Variants in RIMS2 observed in about 807,000 individuals in gnomAD.
The protein encoded by RIMS2 is regulating synaptic membrane exocytosis protein 2.
Under a neutral mutation model 174.4 loss-of-function variants are expected in RIMS2, and 59 were observed. The observed-to-expected ratio is 0.34, with a 90% CI of 0.27 to 0.42. RIMS2 has a LOEUF of 0.42. Among genes scored for constraint, RIMS2 ranks in the 10% least tolerant of loss-of-function variants. The pLI is 1.00. For synonymous variants in RIMS2, 606 were observed against 572.5 expected (o/e 1.06, Z -0.84); for missense variants, 1,620 against 1,666.3 (o/e 0.97, Z 0.48).
chr8:104,078,610 T>G (rs978610594), intron 19 of RIMS2, among the ~76,000 whole-genome samples: 1 of 152,200 alleles, frequency 6.6e-6, no homozygotes, highest in African/African-American at 2.4e-5. Context: ...GACTAGGACT[T>G]CAGTATAGGA....
chr8:103,738,207 G>A (rs971716934), intron 2 of RIMS2, among the ~76,000 whole-genome samples: 6 of 151,988 alleles, frequency 3.9e-5, no homozygotes, highest in Admixed American at 3.9e-4. Context: ...TAAGAAAAAG[G>A]ACATAAAATG....
chr8:103,902,673 C>T (rs2073421417), intron 4 of RIMS2, among the ~76,000 whole-genome samples: 4 of 152,122 alleles, frequency 2.6e-5, no homozygotes, highest in Admixed American at 2.6e-4. Context: ...GAGGAAATGA[C>T]CCTCCAGGAA....
chr8:104,204,473 C>T (rs2099070329), intron 19 of RIMS2, among the ~76,000 whole-genome samples: 1 of 152,042 alleles, frequency 6.6e-6, no homozygotes, highest in South Asian at 2.1e-4. Flanking sequence ...CTTCCTCTGC[C>T]TTACAGGGGT....
chr8:104,051,445 C>T (rs1311304570), intron 19 of RIMS2, among the ~76,000 whole-genome samples: 1 of 151,800 alleles, frequency 6.6e-6, no homozygotes, highest in East Asian at 1.9e-4. Context: ...GGTTGATAGG[C>T]TTGTTTAGAG....
At chr8:103,548,140 G>T (rs1845965029) in intron 1 of RIMS2, among the ~76,000 whole-genome samples, 1 of 152,090 alleles carries the variant, frequency 6.6e-6, no homozygotes, top group Non-Finnish European at 1.5e-5. Flanking sequence ...GAGGAGAAGG[G>T]ACTCCTCCTT....
At chr8:103,924,185 A>T (rs1008384137) in intron 10 of RIMS2, among the ~76,000 whole-genome samples, 2 of 151,698 alleles carry the variant, frequency 1.3e-5, no homozygotes, top group African/African-American at 4.8e-5. Flanking sequence ...GGAAAATTTT[A>T]GGATTCTTGA....
intron 19 of RIMS2, among the ~76,000 whole-genome samples, chr8:104,078,939 C>T (rs1297252706): frequency 1.3e-5 from 2 of 151,838 alleles, no homozygotes; most frequent in Admixed American, 6.6e-5. Flanking sequence ...ACTCGCGTAG[C>T]CATAATTTTA....
chr8:104,056,113 T>A lies in RIMS2; in HGVS notation c.3334+41498T>A, dbSNP rs1239282407. On this transcript the variant is annotated intron_variant, in intron 19 of 23. Coordinates refer to ENST00000504942, the Ensembl canonical transcript of RIMS2. The stretch of plus-strand genomic sequence containing the variant: ...ACTTAAACATCATTTGACTTCAAAG[T>A]CAACTAACCGGCCAGGCGTGGTGGC... Among the ~76,000 whole-genome samples, 6 of 152,090 alleles carry A rather than the reference T, an allele frequency of 3.9e-5. No individual in the cohort carries two copies. In the East Asian group the frequency reaches 1.2e-3, roughly 29 times the overall value.
chr8:103,983,978 C>T (rs1244667144), intron 16 of RIMS2, among the ~76,000 whole-genome samples: 1 of 151,990 alleles, frequency 6.6e-6, no homozygotes, highest in Non-Finnish European at 1.5e-5. Flanking sequence ...TCGAGACCAT[C>T]CTGGCTAACA....
intron 15 of RIMS2, among the ~76,000 whole-genome samples, chr8:103,964,083 A>G (rs760336971): frequency 6.6e-6 from 1 of 152,200 alleles, no homozygotes; most frequent in Admixed American, 6.5e-5. Flanking sequence ...GCTGAAGGAC[A>G]TCTTGGTTGC....
chr8:103,767,870 A>G (rs2098195215), intron 3 of RIMS2, among the ~76,000 whole-genome samples: 1 of 152,240 alleles, frequency 6.6e-6, no homozygotes, highest in South Asian at 2.1e-4. Context: ...CTGGGTAGAA[A>G]GACCTCAGAG....
At chr8:103,608,959 G>T (rs187698710) in intron 1 of RIMS2, among the ~76,000 whole-genome samples, 8 of 152,304 alleles carry the variant, frequency 5.3e-5, no homozygotes, top group Admixed American at 6.5e-5. Flanking sequence ...CTTCTGCGTT[G>T]CTCACGCTGG....
chr8:103,525,566 T>G (rs1317037968), intron 1 of RIMS2, among the ~76,000 whole-genome samples: 1 of 152,136 alleles, frequency 6.6e-6, no homozygotes, highest in East Asian at 1.9e-4. Flanking sequence ...GCACCTTGAT[T>G]GACATCAAGA....
chr8:103,750,725 T>TC (rs1333705252), intron 2 of RIMS2, among the ~76,000 whole-genome samples: 1 of 152,066 alleles, frequency 6.6e-6, no homozygotes, highest in East Asian at 1.9e-4. Context: ...GACAGGCATT[T>TC]CCCCTGCTGG....
At chr8:104,242,842 C>G (rs2099309418) in intron 19 of RIMS2, among the ~76,000 whole-genome samples, 3 of 152,188 alleles carry the variant, frequency 2.0e-5, no homozygotes, top group Admixed American at 6.5e-5. Context: ...AGTTTCATCA[C>G]TTGATTAAAA....
intron 3 of RIMS2, among the ~76,000 whole-genome samples, chr8:103,864,545 T>C (rs897927713): frequency 4.6e-5 from 7 of 152,184 alleles, no homozygotes; most frequent in African/African-American, 1.7e-4. Flanking sequence ...ATGCTTGTTA[T>C]GATTTTGATT....
At chr8:104,239,409 A>C (rs1355619555) in intron 19 of RIMS2, among the ~76,000 whole-genome samples, 2 of 152,080 alleles carry the variant, frequency 1.3e-5, no homozygotes, top group Non-Finnish European at 1.5e-5. Flanking sequence ...ATCTTTTCCA[A>C]ATGTACTTTG....
intron 1 of RIMS2, among the ~76,000 whole-genome samples, chr8:103,603,144 C>A (rs1364041736): frequency 3.6e-5 from 4 of 110,528 alleles, no homozygotes. Context: ...CTATCCCTCC[C>A]CCCTCCCCCC....
At chr8:104,112,034 A>G (rs2098193693) in intron 19 of RIMS2, among the ~76,000 whole-genome samples, 1 of 152,094 alleles carries the variant, frequency 6.6e-6, no homozygotes, top group African/African-American at 2.4e-5. Context: ...CATTATTCCC[A>G]TATCTAATAT....
Sources: allele counts gnomAD v4.1 joint callset (sites outside exome capture counted in the v4.1 genomes callset), GRCh38; gene constraint gnomAD v4.1.1; transcripts MANE v1.5; gene names NCBI Gene and HGNC (gene_info 2026-07-23, HGNC 2026-07-21).